The following SEMA5A variants were observed in gnomAD, a reference collection of about 807,000 sequenced individuals.
SEMA5A encodes semaphorin-5A.
SEMA5A carries 55 observed loss-of-function variants against 135.5 expected under a neutral mutation model. That is an observed-to-expected ratio of 0.41 (90% confidence interval 0.33 to 0.51). The LOEUF (loss-of-function observed/expected upper bound fraction) is 0.51, where lower values mean the gene tolerates loss of function less well. Among genes scored for constraint, SEMA5A ranks in the 20% least tolerant of loss-of-function variants. The probability of loss-of-function intolerance (pLI) is 0.37; values close to 1 mark genes in which losing one functional copy is unlikely to be tolerated. For missense variants in SEMA5A, 1,290 were observed against 1,419.9 expected (o/e 0.91, Z 1.47); for synonymous variants, 580 against 546.5 (o/e 1.06, Z -0.85).
intron 18 of SEMA5A, among the ~76,000 whole-genome samples, chr5:9,057,658 A>G (rs1034853002): frequency 1.1e-4 from 16 of 152,214 alleles, no homozygotes; most frequent in African/African-American, 3.6e-4. Context: ...TTCAAATCAC[A>G]AGATCACACT....
At chr5:9,400,150 G>T (rs940189433) in intron 2 of SEMA5A, among the ~76,000 whole-genome samples, 1 of 152,120 alleles carries the variant, frequency 6.6e-6, no homozygotes, top group Non-Finnish European at 1.5e-5. Context: ...ACACACCAGG[G>T]CCTGTCGCAG....
intron 5 of SEMA5A, among the ~76,000 whole-genome samples, chr5:9,295,105 A>C (rs1379847663): frequency 6.6e-6 from 1 of 152,174 alleles, no homozygotes; most frequent in Non-Finnish European, 1.5e-5. Context: ...GTCCATTCCC[A>C]CAAAGTATGA....
At chr5:9,289,104 C>T (rs531770226) in intron 5 of SEMA5A, among the ~76,000 whole-genome samples, 2 of 152,276 alleles carry the variant, frequency 1.3e-5, no homozygotes, top group East Asian at 3.9e-4. Flanking sequence ...ACATCCTCAT[C>T]AATGAGATCT....
intron 5 of SEMA5A, among the ~76,000 whole-genome samples, chr5:9,295,705 A>G (rs866339325): frequency 1.3e-5 from 2 of 152,188 alleles, no homozygotes; most frequent in Non-Finnish European, 2.9e-5. Context: ...CAGGATAAAG[A>G]TGATACCTAT....
chr5:9,154,438 T>G (rs1321094734), intron 12 of SEMA5A, 50 bp downstream of exon 12: 1 of 1,577,166 alleles, frequency 6.3e-7, no homozygotes, highest in African/African-American at 1.3e-5. Context: ...TCTCTCTGGG[T>G]GGGCCCTTCA....
In SEMA5A at chr5:9,532,951, G is replaced by A. The variant is rs570341221; in HGVS notation, c.-175+12633C>T. 1.4e-4 allele frequency among the ~76,000 whole-genome samples: 22 copies of A among 152,268 alleles called. No individual in the cohort carries two copies. The South Asian group carries it at 4.6e-3, about 32-fold the overall frequency. On this transcript the variant is annotated intron_variant, in intron 1 of 22. Transcript: ENST00000382496. ...TGTCATCTTCTAATAGCCTGCAACT[G>A]CTCCCAATTTCATGCAGTGTTCACT... is the stretch of plus-strand genomic sequence containing the variant.
In SEMA5A at chr5:9,154,508, G is replaced by T; in HGVS notation, c.1461C>A (p.Cys487Ter). ...EHVVKIPLKR[C>*]QFYRTRSTCI... ...CCTACCTGCGTGTGCGGTAGAACTG[G>T]CACCTCTTCAGGGGGATCTTGACCA... Residue 487 changes from cysteine (C) to a stop codon, truncating the protein, a stop_gained, in exon 12 of 23, where the codon TGC becomes TGA. Transcript: ENST00000382496. LOFTEE classifies it high-confidence loss of function. 6.2e-7 allele frequency: 1 copy of T among 1,612,114 alleles called. No individual in the cohort carries two copies. The highest frequency in any genetic ancestry group is 8.5e-7 in the Non-Finnish European group (1 of 1,179,978).
chr5:9,321,871 T>C (rs561451285), intron 4 of SEMA5A, among the ~76,000 whole-genome samples: 86 of 152,346 alleles, frequency 5.6e-4, no homozygotes, highest in African/African-American at 2.0e-3. Context: ...TGCACATGTA[T>C]GTTCACACTA....
At chr5:9,428,284 C>T (rs775370537) in intron 2 of SEMA5A, among the ~76,000 whole-genome samples, 7 of 152,064 alleles carry the variant, frequency 4.6e-5, no homozygotes, top group Non-Finnish European at 7.4e-5. Context: ...ACAGGAAATA[C>T]AATTTCAGTC....
chr5:9,226,828 T>C, intron 7 of SEMA5A, 41 bp downstream of exon 7: 1 of 1,478,066 alleles, frequency 6.8e-7, no homozygotes, highest in Non-Finnish European at 9.4e-7. Context: ...TTTTGCCTCT[T>C]CTGATATTAA....
chr5:9,380,135 G>A (rs1200736846), intron 2 of SEMA5A, 112 bp from the exon 3 acceptor site: 10 of 679,202 alleles, frequency 1.5e-5, no homozygotes, highest in Admixed American at 6.2e-5. Flanking sequence ...GGAGATAGAG[G>A]AGAGCTTGGA....
intron 1 of SEMA5A, among the ~76,000 whole-genome samples, chr5:9,496,346 C>T (rs1439682282): frequency 1.3e-5 from 2 of 152,100 alleles, no homozygotes; most frequent in African/African-American, 2.4e-5. Flanking sequence ...TGCCCAGCCT[C>T]AATATTTCTT....
rs114179344 is a variant in SEMA5A, at chr5:9,448,247, G to C, written c.-174-10395C>G. ...ATGAATAATCTCAGGAAAGTTCTAA[G>C]TTCACCAATTATTAAAGGAGCCAGA... On this transcript the variant is annotated intron_variant, in intron 1 of 22. Coordinates refer to ENST00000382496, the MANE Select transcript of SEMA5A (RefSeq NM_003966.3). 5.7e-3 allele frequency among the ~76,000 whole-genome samples: 866 copies of C among 152,254 alleles called. 6 individuals carry two copies. The highest frequency in any genetic ancestry group is 0.02 in the African/African-American group (830 of 41,546).
chr5:9,192,449 G>A (rs1338651067), intron 10 of SEMA5A, among the ~76,000 whole-genome samples: 1 of 152,206 alleles, frequency 6.6e-6, no homozygotes, highest in Non-Finnish European at 1.5e-5. Flanking sequence ...AATGGTGAAT[G>A]GTAAATGCAT....
intron 16 of SEMA5A, among the ~76,000 whole-genome samples, chr5:9,090,307 A>C (rs1263588067): frequency 6.6e-6 from 1 of 152,148 alleles, no homozygotes; most frequent in Non-Finnish European, 1.5e-5. Flanking sequence ...CCCAGTAACC[A>C]AGCACTGGAC....
chr5:9,280,860 CA>C (rs1454832397), intron 5 of SEMA5A: 3 of 406,558 alleles, frequency 7.4e-6, no homozygotes, highest in African/African-American at 6.2e-5. Flanking sequence ...TAGCAAATAA[CA>C]ATAAATAATT....
At chr5:9,175,237 T>C (rs371179254) in intron 11 of SEMA5A, among the ~76,000 whole-genome samples, 1 of 152,098 alleles carries the variant, frequency 6.6e-6, no homozygotes. Flanking sequence ...ACTCTTTTCT[T>C]GCAGGATTCC....
chr5:9,384,645 T>TAGATAGAC (rs773477813), intron 2 of SEMA5A, among the ~76,000 whole-genome samples: 1 of 99,314 alleles, frequency 1.0e-5, no homozygotes, highest in Non-Finnish European at 2.1e-5. Flanking sequence ...GATAGATAGA[T>TAGATAGAC]AGATAGATAG....
At chr5:9,044,228 A>T in intron 22 of SEMA5A, 145 bp downstream of exon 22, 1 of 692,790 alleles carries the variant, frequency 1.4e-6, no homozygotes, top group Non-Finnish European at 2.5e-6. Context: ...CTGAAGTCGT[A>T]AGGACTAAAG....
Sources: gnomAD v4.1 joint callset for allele counts (sites outside exome capture counted in the v4.1 genomes callset) on GRCh38, gnomAD v4.1.1 for gene constraint, MANE v1.5 for transcripts, NCBI Gene and HGNC (gene_info 2026-07-23, HGNC 2026-07-21) for gene names.